The following SNTB1 variants were observed in gnomAD, a reference collection of about 807,000 sequenced individuals.
SNTB1 encodes the protein syntrophin beta 1.
SNTB1 carries 36 observed loss-of-function variants against 48.9 expected under a neutral mutation model. That is an observed-to-expected ratio of 0.74 (90% CI 0.56 to 0.97). SNTB1 has a LOEUF of 0.97. Ranked by LOEUF, SNTB1 falls within the 50% of genes least tolerant of loss-of-function variation. SNTB1 has a pLI of 0.00. For synonymous variants in SNTB1, 299 were observed against 294.6 expected, an observed-to-expected ratio of 1.01 and a Z score of -0.15; for missense variants, 786 against 703.4, an observed-to-expected ratio of 1.12 and a Z score of -1.33.
chr8:120,763,867 G>A (rs1177928003), intron 1 of SNTB1, among the ~76,000 whole-genome samples: 2 of 151,914 alleles, frequency 1.3e-5, no homozygotes, highest in African/African-American at 4.8e-5. Context: ...ATGTTGTCCA[G>A]GCTGGTCTTG....
At chr8:120,761,904 A>G (rs1039367894) in intron 1 of SNTB1, among the ~76,000 whole-genome samples, 1 of 152,228 alleles carries the variant, frequency 6.6e-6, no homozygotes, top group African/African-American at 2.4e-5. Context: ...GATTCACATC[A>G]AGGCTGGGTT....
intron 2 of SNTB1, among the ~76,000 whole-genome samples, chr8:120,692,813 A>C (rs1818150764): frequency 6.6e-6 from 1 of 152,228 alleles, no homozygotes; most frequent in Admixed American, 6.5e-5. Flanking sequence ...ATTACTATCT[A>C]ACATTAATAA....
At chr8:120,754,369 T>C (rs537452435) in intron 1 of SNTB1, among the ~76,000 whole-genome samples, 14 of 152,080 alleles carry the variant, frequency 9.2e-5, no homozygotes, top group African/African-American at 3.4e-4. Flanking sequence ...TGTGGTGGTG[T>C]ATGCCTGTAG....
intron 2 of SNTB1, among the ~76,000 whole-genome samples, chr8:120,661,055 G>A (rs972464947): frequency 3.9e-5 from 6 of 152,074 alleles, no homozygotes; most frequent in Admixed American, 3.3e-4. Flanking sequence ...CACCATAATA[G>A]ATACAAAATA....
At chr8:120,604,523 G>C (rs536485102) in intron 3 of SNTB1, among the ~76,000 whole-genome samples, 1 of 149,308 alleles carries the variant, frequency 6.7e-6, no homozygotes, top group African/African-American at 2.5e-5. Context: ...GTGTGATCTC[G>C]ACTCACTGCA....
rs115214440 is a variant in SNTB1, at chr8:120,606,379, A to G, written c.996+26065T>C. On this transcript the variant is annotated intron_variant, in intron 3 of 6. Coordinates refer to ENST00000517992, the MANE Select transcript of SNTB1 (RefSeq NM_021021.4). ...TATAGTTGTATATTTATGTCAGTAT[A>G]AAATACTATGTCAGTGCGTGTGTGT... Among the ~76,000 whole-genome samples the G allele has an allele frequency of 9.7e-3, 1,391 of 143,860 alleles. 28 individuals are homozygous for G. Among genetic ancestry groups the G allele is most frequent in the African/African-American group, 0.034 (1,340 of 39,326 alleles). The allele number at this position is 143,860 out of a possible 152,430, so 94.4% of individuals were successfully genotyped here.
chr8:120,553,803 GCC>G (rs1815520891), intron 4 of SNTB1, among the ~76,000 whole-genome samples: 1 of 152,194 alleles, frequency 6.6e-6, no homozygotes, highest in East Asian at 1.9e-4. Context: ...TTTGAGACCA[GCC>G]TGACTAATAT....
At chr8:120,664,433 T>C (rs1054109137) in intron 2 of SNTB1, among the ~76,000 whole-genome samples, 28 of 152,242 alleles carry the variant, frequency 1.8e-4, no homozygotes, top group Admixed American at 7.2e-4. Flanking sequence ...ACAATAATTT[T>C]AGACATACAT....
At chr8:120,810,412 A>C (rs779585378) in intron 1 of SNTB1, among the ~76,000 whole-genome samples, 14 of 152,154 alleles carry the variant, frequency 9.2e-5, no homozygotes, top group Non-Finnish European at 1.8e-4. Flanking sequence ...ACATTCAACA[A>C]TGAGGGGACT....
At chr8:120,655,037 A>G (rs1311223243) in intron 2 of SNTB1, 1 of 454,102 alleles carries the variant, frequency 2.2e-6, no homozygotes, top group African/African-American at 2.0e-5. Flanking sequence ...CCTATGGCTG[A>G]TGAAAAATAC....
At chr8:120,655,052 C>T (rs985695303) in intron 2 of SNTB1, 2 of 450,882 alleles carry the variant, frequency 4.4e-6, no homozygotes, top group Non-Finnish European at 8.9e-6. Context: ...AAATACTTCT[C>T]AACAGACAAA....
At chr8:120,710,941 G>C (rs926506652) in intron 1 of SNTB1, among the ~76,000 whole-genome samples, 10 of 152,094 alleles carry the variant, frequency 6.6e-5, no homozygotes, top group African/African-American at 1.7e-4. Context: ...ACTCTTCCTG[G>C]GTACTGATAT....
At chr8:120,663,430 C>T (rs1817624280) in intron 2 of SNTB1, among the ~76,000 whole-genome samples, 1 of 152,124 alleles carries the variant, frequency 6.6e-6, no homozygotes, top group Admixed American at 6.6e-5. Flanking sequence ...CCTCAGCCTC[C>T]CGAGTAGCTG....
intron 1 of SNTB1, among the ~76,000 whole-genome samples, chr8:120,708,575 C>A (rs1818414713): frequency 6.6e-6 from 1 of 151,980 alleles, no homozygotes; most frequent in South Asian, 2.1e-4. Flanking sequence ...TGTCAGTAAA[C>A]CAAGTCCAAC....
chr8:120,693,896 C>G lies in SNTB1; in HGVS notation c.584G>C (p.Arg195Pro), dbSNP rs769206199. ...TTTCTTCACATAGGGCGTGGCTTCTCGCATGTACTTCACTGCAAGGAAAAA... is the reference window on the plus strand; with the variant it reads ...TTTCTTCACATAGGGCGTGGCTTCTGGCATGTACTTCACTGCAAGGAAAAA... ...KEVLLEVKYMREATPYVKKGS... is the reference protein window; with the variant it reads ...KEVLLEVKYMPEATPYVKKGS... Residue 195 changes from arginine (R) to proline (P), a missense_variant, in exon 2 of 7, where the codon CGA becomes CCA. Transcript: ENST00000517992. The G allele has an allele frequency of 5.6e-6, 9 of 1,613,560 alleles. No individual in the cohort carries two copies. The highest frequency in any genetic ancestry group is 5.9e-6 in the Non-Finnish European group (7 of 1,179,640).
intron 2 of SNTB1, among the ~76,000 whole-genome samples, chr8:120,692,256 G>C (rs1358883512): frequency 6.6e-6 from 1 of 152,092 alleles, no homozygotes; most frequent in African/African-American, 2.4e-5. Flanking sequence ...CATTGAGCTG[G>C]GAGCCAAGGA....
At chr8:120,640,910 C>T (rs957708815) in intron 2 of SNTB1, among the ~76,000 whole-genome samples, 1 of 152,106 alleles carries the variant, frequency 6.6e-6, no homozygotes, top group Admixed American at 6.5e-5. Flanking sequence ...AGGGAGAATT[C>T]CCTCTTTTTC....
At chr8:120,671,044 T>C (rs933886146) in intron 2 of SNTB1, among the ~76,000 whole-genome samples, 1 of 152,190 alleles carries the variant, frequency 6.6e-6, no homozygotes, top group African/African-American at 2.4e-5. Flanking sequence ...AAAGAGCATT[T>C]CTCATACTTC....
rs1815425517 is a variant in SNTB1, at chr8:120,548,743, A to G, written c.1333+19T>C. On this transcript the variant is annotated intron_variant, in intron 5 of 6. Coordinates refer to ENST00000517992, the MANE Select transcript of SNTB1 (RefSeq NM_021021.4). Reference sequence around the variant, plus strand: ...CTTCCCGTAACAATGTGTCCTTGGTAGCTCACTGCAGTACTCACCAGTGCT... The same window carrying G: ...CTTCCCGTAACAATGTGTCCTTGGTGGCTCACTGCAGTACTCACCAGTGCT... The G allele has an allele frequency of 1.9e-6, 3 of 1,611,442 alleles. No individual in the cohort carries two copies. The South Asian group carries it at 3.3e-5, about 18-fold the overall frequency.
Sources: gnomAD v4.1 joint callset for allele counts (sites outside exome capture counted in the v4.1 genomes callset) on GRCh38, gnomAD v4.1.1 for gene constraint, MANE v1.5 for transcripts, NCBI Gene and HGNC (gene_info 2026-07-23, HGNC 2026-07-21) for gene names.